Variants in WWOX observed in about 807,000 individuals in gnomAD.
WWOX encodes WW domain-containing oxidoreductase.
Under a neutral mutation model 46.2 loss-of-function variants are expected in WWOX, and 69 were observed. The observed-to-expected ratio is 1.49, with a 90% CI of 1.23 to 1.82. The LOEUF (loss-of-function observed/expected upper bound fraction) is 1.82. Among genes scored for constraint, WWOX ranks in the 40% most tolerant of loss-of-function variants. The pLI, the probability that WWOX is intolerant of heterozygous loss-of-function variation, is 0.00. For missense variants in WWOX, 919 were observed against 542.6 expected, an observed-to-expected ratio of 1.69 and a Z score of -6.89; for synonymous variants, 359 against 202.6, an observed-to-expected ratio of 1.77 and a Z score of -6.56.
chr16:79,144,086 A>ATG (rs2050140370), intron 8 of WWOX, among the ~76,000 whole-genome samples: 8 of 152,064 alleles, frequency 5.3e-5, no homozygotes, highest in Non-Finnish European at 7.4e-5. Context: ...TTTGGTAGAG[A>ATG]TGGAGTATTG....
intron 4 of WWOX, among the ~76,000 whole-genome samples, chr16:78,144,446 TACAC>T (rs1555543027): frequency 0.055 from 539 of 9,794 alleles, 99 homozygotes; most frequent in East Asian, 0.16. Flanking sequence ...TATATATATA[TACAC>T]ATATATATAT....
chr16:78,314,958 C>A (rs557436432), intron 5 of WWOX, among the ~76,000 whole-genome samples: 3 of 152,070 alleles, frequency 2.0e-5, no homozygotes, highest in African/African-American at 7.2e-5. Context: ...GGAATTCTTG[C>A]CAATGTCCTT....
At chr16:78,578,602 T>A (rs1041552616) in intron 8 of WWOX, among the ~76,000 whole-genome samples, 4 of 152,008 alleles carry the variant, frequency 2.6e-5, no homozygotes, top group Non-Finnish European at 5.9e-5. Flanking sequence ...TTATATATTA[T>A]ACACACAAAC....
At chr16:78,505,603 C>T (rs1021976046) in intron 8 of WWOX, among the ~76,000 whole-genome samples, 53 of 152,188 alleles carry the variant, frequency 3.5e-4, no homozygotes, top group Admixed American at 1.0e-3. Flanking sequence ...GCCAGCCAGC[C>T]TCACCAAAAA....
At chr16:78,668,316 A>C (rs926142628) in intron 8 of WWOX, among the ~76,000 whole-genome samples, 12 of 152,012 alleles carry the variant, frequency 7.9e-5, no homozygotes, top group African/African-American at 2.4e-4. Flanking sequence ...CTTAACTCTC[A>C]TACCCCCACG....
At chr16:78,692,891 A>T (rs2048022917) in intron 8 of WWOX, among the ~76,000 whole-genome samples, 1 of 152,206 alleles carries the variant, frequency 6.6e-6, no homozygotes, top group Non-Finnish European at 1.5e-5. Flanking sequence ...AACAAACATG[A>T]ATATTCTGTA....
intron 8 of WWOX, among the ~76,000 whole-genome samples, chr16:79,162,025 G>T (rs918030516): frequency 2.0e-5 from 3 of 152,180 alleles, no homozygotes; most frequent in Admixed American, 1.3e-4. Flanking sequence ...CTGTCTCCCA[G>T]ATCTGTCCTT....
chr16:78,808,379 A>C (rs1056740033), intron 8 of WWOX, among the ~76,000 whole-genome samples: 1 of 152,232 alleles, frequency 6.6e-6, no homozygotes, highest in Admixed American at 6.5e-5. Context: ...TAGGTCTTAG[A>C]TATAGGTGCA....
At chr16:78,791,397 G>A (rs1242306977) in intron 8 of WWOX, among the ~76,000 whole-genome samples, 1 of 152,142 alleles carries the variant, frequency 6.6e-6, no homozygotes, top group Non-Finnish European at 1.5e-5. Context: ...ACTGGCATGG[G>A]CAGTGGAGAC....
chr16:78,177,505 C>G (rs1597313317), intron 5 of WWOX, among the ~76,000 whole-genome samples: 1 of 152,190 alleles, frequency 6.6e-6, no homozygotes, highest in African/African-American at 2.4e-5. Context: ...GGACTGTGAA[C>G]AGCCCCCATG....
At chr16:78,189,771 C>T (rs2035823948) in intron 5 of WWOX, among the ~76,000 whole-genome samples, 1 of 152,180 alleles carries the variant, frequency 6.6e-6, no homozygotes, top group African/African-American at 2.4e-5. Flanking sequence ...TCTCCTGGCT[C>T]AACCTCCTAA....
intron 6 of WWOX, among the ~76,000 whole-genome samples, chr16:78,420,632 G>A (rs537535558): frequency 4.7e-5 from 7 of 148,674 alleles, no homozygotes; most frequent in African/African-American, 1.8e-4. Flanking sequence ...GGTAGATAGA[G>A]GGTGGCTAGT....
intron 8 of WWOX, among the ~76,000 whole-genome samples, chr16:78,741,366 G>C (rs183905773): frequency 4.6e-5 from 7 of 152,258 alleles, no homozygotes; most frequent in Admixed American, 3.3e-4. Flanking sequence ...ATCGAGATCA[G>C]CCGGGCCAAC....
intron 8 of WWOX, among the ~76,000 whole-genome samples, chr16:79,034,066 G>C (rs1220975996): frequency 6.6e-6 from 1 of 152,176 alleles, no homozygotes. Flanking sequence ...GTGCCCACGT[G>C]GTCTGTGTGG....
At chr16:78,185,645 A>G (rs2035675696) in intron 5 of WWOX, among the ~76,000 whole-genome samples, 1 of 152,120 alleles carries the variant, frequency 6.6e-6, no homozygotes, top group African/African-American at 2.4e-5. Flanking sequence ...CGCAATTATG[A>G]AAAGCTCTCA....
intron 6 of WWOX, among the ~76,000 whole-genome samples, chr16:78,399,097 TGGAAGGGGATGCAAGAGGTAAGTACAA>T (rs550677231): frequency 2.6e-4 from 35 of 137,142 alleles, no homozygotes; most frequent in African/African-American, 9.6e-4. Flanking sequence ...ATGGAAGGGG[TGGAAGGGGATGCAAGAGGTAAGTACAA>T]GGAAGGGGAT....
intron 8 of WWOX, among the ~76,000 whole-genome samples, chr16:78,785,814 T>C (rs2050441518): frequency 6.6e-6 from 1 of 152,218 alleles, no homozygotes; most frequent in Non-Finnish European, 1.5e-5. Flanking sequence ...GGTTTTAAAA[T>C]ACCAAAAAAT....
At chr16:78,452,962 G>T (rs889222143) in intron 8 of WWOX, among the ~76,000 whole-genome samples, 1 of 149,404 alleles carries the variant, frequency 6.7e-6, no homozygotes, top group Non-Finnish European at 1.5e-5. Flanking sequence ...AGCCTCATGA[G>T]CCTCAACCTT....
At chr16:78,800,953 G>A (rs1228551842) in intron 8 of WWOX, among the ~76,000 whole-genome samples, 3 of 151,290 alleles carry the variant, frequency 2.0e-5, no homozygotes, top group East Asian at 3.9e-4. Context: ...TCGAAAAACA[G>A]AAAAAAAAAG....
Sources: gnomAD v4.1 joint callset for allele counts (sites outside exome capture counted in the v4.1 genomes callset) on GRCh38, gnomAD v4.1.1 for gene constraint, MANE v1.5 for transcripts, NCBI Gene and HGNC (gene_info 2026-07-23, HGNC 2026-07-21) for gene names.